Variants in CHN2 observed in about 807,000 individuals in gnomAD.
CHN2 encodes chimerin 2.
In CHN2, 35 loss-of-function variants were observed where a neutral mutation model predicts 56.3. That is an observed-to-expected ratio of 0.62 (90% CI 0.47 to 0.82). The LOEUF is 0.82. CHN2 is among the 40% of genes least tolerant of loss of function. The probability of loss-of-function intolerance (pLI) is 0.00; values close to 1 mark genes in which losing one functional copy is unlikely to be tolerated. For missense variants in CHN2, 491 were observed against 580.5 expected (o/e 0.85, Z 1.58); for synonymous variants, 210 against 212.8 (o/e 0.99, Z 0.12).
chr7:29,147,082 C>A, intron 2 of CHN2: 1 of 1,374,558 alleles, frequency 7.3e-7, no homozygotes. Context: ...GGGACACAAA[C>A]TAAGTGAGGT....
chr7:29,203,613 T>C (rs1021446480), intron 1 of CHN2, among the ~76,000 whole-genome samples: 4 of 152,218 alleles, frequency 2.6e-5, no homozygotes, highest in South Asian at 2.1e-4. Context: ...TATATTTGTA[T>C]TGGACAGCTG....
At chr7:29,163,437 T>C (rs1795473306) in intron 2 of CHN2, among the ~76,000 whole-genome samples, 1 of 152,198 alleles carries the variant, frequency 6.6e-6, no homozygotes, top group South Asian at 2.1e-4. Context: ...GTGATTCATA[T>C]TATATTTCTA....
chr7:29,148,484 C>T (rs536816064), intron 2 of CHN2: 4 of 152,190 alleles, frequency 2.6e-5, no homozygotes, highest in Non-Finnish European at 5.9e-5. Flanking sequence ...CACGTTTTAA[C>T]TTTAATTTTT....
chr7:29,388,700 G>A (rs1801127740), intron 3 of CHN2, among the ~76,000 whole-genome samples: 1 of 152,134 alleles, frequency 6.6e-6, no homozygotes, highest in Non-Finnish European at 1.5e-5. Flanking sequence ...CTTAAAATAA[G>A]ACCACGTAAA....
intron 6 of CHN2, among the ~76,000 whole-genome samples, chr7:29,401,744 G>T (rs1320281878): frequency 2.0e-5 from 3 of 152,220 alleles, no homozygotes; most frequent in African/African-American, 4.8e-5. Flanking sequence ...GGGCAAGTAT[G>T]CAGGCGGGGG....
In CHN2 at chr7:29,152,996, C is replaced by T. The variant is rs140547514; in HGVS notation, c.274+6036C>T. ...GAGGGGTGGCCAAAGGCCATGCTTA[C>T]AGAGCTGGGATGCACAGGGAAGGAT... On this transcript the variant is annotated intron_variant, in intron 2 of 6. Coordinates refer to the CHN2 transcript ENST00000439384. Among the ~76,000 whole-genome samples, 1,322 of 152,340 alleles carry T rather than the reference C, an allele frequency of 8.7e-3. 23 individuals carry two copies. Among genetic ancestry groups the T allele is most frequent in the African/African-American group, 0.03 (1,254 of 41,580 alleles).
At chr7:29,383,317 T>C (rs1322593299) in intron 3 of CHN2, among the ~76,000 whole-genome samples, 1 of 152,124 alleles carries the variant, frequency 6.6e-6, no homozygotes, top group Non-Finnish European at 1.5e-5. Flanking sequence ...TTGATTCCAG[T>C]CTGGGTCTGA....
exon 1 of CHN2, chr7:29,146,737 G>A: frequency 6.4e-7 from 1 of 1,550,446 alleles, no homozygotes; most frequent in East Asian, 2.4e-5. Flanking sequence ...TCGGCGGGGT[G>A]CCATTCAGGT....
At chr7:29,210,274 G>T (rs934024134) in intron 1 of CHN2, among the ~76,000 whole-genome samples, 3 of 152,134 alleles carry the variant, frequency 2.0e-5, no homozygotes, top group Non-Finnish European at 4.4e-5. Flanking sequence ...CATGAGGACT[G>T]TTGGGTGTCT....
chr7:29,487,648 C>T (rs1788177184), intron 7 of CHN2, among the ~76,000 whole-genome samples: 1 of 151,868 alleles, frequency 6.6e-6, no homozygotes, highest in South Asian at 2.1e-4. Flanking sequence ...CTTCCTCCTT[C>T]CCTCCCTCCT....
At chr7:29,312,197 A>T (rs1055591281) in intron 1 of CHN2, among the ~76,000 whole-genome samples, 2 of 149,286 alleles carry the variant, frequency 1.3e-5, no homozygotes, top group African/African-American at 5.0e-5. Context: ...TACATTTCTC[A>T]TTTCTTCATG....
chr7:29,235,927 T>C (rs1184514598), intron 1 of CHN2, among the ~76,000 whole-genome samples: 1 of 152,146 alleles, frequency 6.6e-6, no homozygotes, highest in Non-Finnish European at 1.5e-5. Flanking sequence ...AAACTACCTA[T>C]TGGGTACTAT....
chr7:29,197,447 C>G (rs1783827040), intron 1 of CHN2, among the ~76,000 whole-genome samples: 1 of 152,146 alleles, frequency 6.6e-6, no homozygotes, highest in Non-Finnish European at 1.5e-5. Flanking sequence ...ATAAGACCTA[C>G]TTGGTAGAGT....
chr7:29,223,431 C>T (rs978048018), intron 1 of CHN2, among the ~76,000 whole-genome samples: 1 of 152,164 alleles, frequency 6.6e-6, no homozygotes, highest in Non-Finnish European at 1.5e-5. Flanking sequence ...TATCACCACT[C>T]CCCATATCAA....
intron 3 of CHN2, among the ~76,000 whole-genome samples, chr7:29,374,133 C>G (rs1301011192): frequency 1.3e-5 from 2 of 152,136 alleles, no homozygotes; most frequent in East Asian, 3.9e-4. Context: ...CCTAGACTTT[C>G]TCTGCTTGTC....
chr7:29,150,136 A>G (rs1344145102), intron 2 of CHN2, among the ~76,000 whole-genome samples: 2 of 152,178 alleles, frequency 1.3e-5, no homozygotes, highest in South Asian at 2.1e-4. Context: ...CTGCACCTGC[A>G]TATTCTAGTG....
chr7:29,207,227 C>A (rs1416907047), intron 1 of CHN2, among the ~76,000 whole-genome samples: 1 of 152,196 alleles, frequency 6.6e-6, no homozygotes, highest in Non-Finnish European at 1.5e-5. Context: ...TAGGTTAAGG[C>A]CTTCCTGGAC....
chr7:29,205,913 A>T (rs751782032), intron 1 of CHN2, among the ~76,000 whole-genome samples: 2 of 152,122 alleles, frequency 1.3e-5, no homozygotes, highest in Non-Finnish European at 2.9e-5. Flanking sequence ...GCCACCACCC[A>T]ATTTAGGAAC....
In CHN2 at chr7:29,496,003, TG is replaced by T; in HGVS notation, c.711del (p.Leu238SerfsTer13). 6.2e-7 allele frequency: 1 copy of T among 1,612,746 alleles called. No individual in the cohort carries two copies. The highest frequency in any genetic ancestry group is 8.5e-7 in the Non-Finnish European group (1 of 1,179,598). On this transcript the variant is annotated frameshift_variant, in exon 8 of 13. Coordinates refer to ENST00000222792, the MANE Select transcript of CHN2 (RefSeq NM_004067.4). LOFTEE classifies it high-confidence loss of function. ...HWCEYCANFMWGLIAQGVRCS... is the reference protein window; with the variant it reads ...HWCEYCANFMXGLIAQGVRCS... The stretch of plus-strand genomic sequence containing the variant: ...GTGTGAATATTGTGCCAATTTCATG[TG>T]GGGGCTCATCGCCCAAGGGGTCCGG...
Sources: allele counts gnomAD v4.1 joint callset (sites outside exome capture counted in the v4.1 genomes callset), GRCh38; gene constraint gnomAD v4.1.1; transcripts MANE v1.5; gene names NCBI Gene and HGNC (gene_info 2026-07-23, HGNC 2026-07-21).